TEX11: variants seen among roughly 807,000 people sequenced by gnomAD.
TEX11 encodes testis expressed 11.
In TEX11, 7 loss-of-function variants were observed where a neutral mutation model predicts 84.4. The ratio of observed to expected loss-of-function variants is 0.08; its 90% confidence interval spans 0.05 to 0.16. The LOEUF (loss-of-function observed/expected upper bound fraction) is 0.16. TEX11 is among the 10% of genes least tolerant of loss of function. The pLI is 1.00. For synonymous variants in TEX11, 264 were observed against 222.8 expected, an observed-to-expected ratio of 1.18 and a Z score of -1.64; for missense variants, 551 against 660.5, an observed-to-expected ratio of 0.83 and a Z score of 1.82.
At chrX:70,779,181 C>A (rs889726763) in intron 9 of TEX11, among the ~76,000 whole-genome samples, 4 of 110,637 alleles carry the variant, frequency 3.6e-5, no homozygotes, top group Admixed American at 1.9e-4. Context: ...CTTTGGGAGG[C>A]CGAGGTGGGT....
rs922216335 is a variant in TEX11 at position 70,541,965 on chromosome X, C to G, written c.2520+10161G>C. On this transcript the variant is annotated intron_variant, in intron 28 of 29. Coordinates refer to ENST00000374333, the MANE Select transcript of TEX11 (RefSeq NM_031276.3). Reference sequence around the variant, plus strand: ...CCTGGGAGTCATCTCCCTGCTTTTTCATTACCACTAGCTTCTAAATATCAA... The same window carrying G: ...CCTGGGAGTCATCTCCCTGCTTTTTGATTACCACTAGCTTCTAAATATCAA... Among the ~76,000 whole-genome samples the G allele has an allele frequency of 4.5e-5, 5 of 111,797 alleles. No individual in the cohort carries two copies. The East Asian group carries it at 1.4e-3, about 31-fold the overall frequency.
intron 16 of TEX11, among the ~76,000 whole-genome samples, chrX:70,656,766 T>C (rs933477366): frequency 1.8e-5 from 2 of 112,042 alleles, no homozygotes; most frequent in African/African-American, 6.5e-5. Flanking sequence ...AATAGCATGA[T>C]GGGGAAACTG....
intron 28 of TEX11, among the ~76,000 whole-genome samples, chrX:70,535,362 T>A (rs1484640919): frequency 8.9e-6 from 1 of 112,135 alleles, no homozygotes; most frequent in Non-Finnish European, 1.9e-5. Context: ...GGTAACTATG[T>A]TTAACCTTCT....
intron 9 of TEX11, among the ~76,000 whole-genome samples, chrX:70,759,357 C>T (rs375917780): frequency 4.5e-5 from 5 of 111,390 alleles, no homozygotes; most frequent in Non-Finnish European, 7.5e-5. Flanking sequence ...AACATCGATG[C>T]GAAAATCCTC....
At position 70,623,937 on chromosome X, in the gene TEX11, TG is replaced by T. The variant is rs2089423101; in HGVS notation, c.1751+12del. The T allele has an allele frequency of 1.7e-6, 2 of 1,194,241 alleles. No individual in the cohort carries two copies. The highest frequency in any genetic ancestry group is 3.5e-5 in the African/African-American group (2 of 57,374). ...CTAATGGGGAATACATCATTTTTGT[TG>T]AAATAACTCACTTATCTTCAGATTC... is the stretch of plus-strand genomic sequence containing the variant. On this transcript the variant is annotated intron_variant, in intron 20 of 29. Transcript: ENST00000374333.
At chrX:70,729,502 C>A (rs1356720361) in intron 11 of TEX11, among the ~76,000 whole-genome samples, 1 of 111,837 alleles carries the variant, frequency 8.9e-6, no homozygotes, top group Non-Finnish European at 1.9e-5. Context: ...ACAAGAACTA[C>A]GTGATGAATG....
At chrX:70,713,555 C>T (rs1322007722) in intron 13 of TEX11, among the ~76,000 whole-genome samples, 1 of 111,934 alleles carries the variant, frequency 8.9e-6, no homozygotes, top group African/African-American at 3.2e-5. Flanking sequence ...TCCATTTCTT[C>T]TAGATTTTCT....
intron 9 of TEX11, among the ~76,000 whole-genome samples, chrX:70,782,009 A>G (rs774022266): frequency 3.6e-5 from 4 of 111,328 alleles, no homozygotes; most frequent in African/African-American, 6.5e-5. Context: ...CACAAGACAC[A>G]TAATTGTCAG....
At chrX:70,529,500 A>AC (rs1273737639) in intron 29 of TEX11, among the ~76,000 whole-genome samples, 2 of 112,265 alleles carry the variant, frequency 1.8e-5, no homozygotes, top group African/African-American at 6.5e-5. Context: ...GCCTTTTTCA[A>AC]CAGTTATTGC....
chrX:70,804,663 T>C (rs1298296697), intron 9 of TEX11, among the ~76,000 whole-genome samples: 1 of 111,905 alleles, frequency 8.9e-6, no homozygotes, highest in Non-Finnish European at 1.9e-5. Context: ...GAAAATATCA[T>C]TGTGGGTCAG....
chrX:70,664,278 T>C (rs749796971), intron 16 of TEX11, among the ~76,000 whole-genome samples: 13 of 111,852 alleles, frequency 1.2e-4, no homozygotes, highest in Non-Finnish European at 2.1e-4. Flanking sequence ...GTGACTCACA[T>C]ATGCTGCTTT....
chrX:70,609,537 T>G (rs1175193949), intron 21 of TEX11, among the ~76,000 whole-genome samples: 1 of 112,516 alleles, frequency 8.9e-6, no homozygotes, highest in Non-Finnish European at 1.9e-5. Flanking sequence ...GGTATCAATA[T>G]GCTGGCATAA....
intron 24 of TEX11, among the ~76,000 whole-genome samples, chrX:70,602,636 T>C (rs1190853103): frequency 9.3e-6 from 1 of 107,886 alleles, no homozygotes; most frequent in Non-Finnish European, 1.9e-5. Flanking sequence ...CTTTGAAAAC[T>C]GGCACAAGAC....
chrX:70,905,909 C>T (rs1227508295), intron 2 of TEX11, among the ~76,000 whole-genome samples: 1 of 102,625 alleles, frequency 9.7e-6, no homozygotes, highest in Non-Finnish European at 2.0e-5. Context: ...AAAAATTAGC[C>T]GGGCATGGTG....
chrX:70,732,632 C>G (rs2090662894), intron 11 of TEX11, among the ~76,000 whole-genome samples: 1 of 111,513 alleles, frequency 9.0e-6, no homozygotes, highest in Admixed American at 9.6e-5. Context: ...GTACAAACCA[C>G]TGCTCAATGA....
At chrX:70,674,722 A>G (rs2090054832) in intron 15 of TEX11, among the ~76,000 whole-genome samples, 1 of 111,773 alleles carries the variant, frequency 8.9e-6, no homozygotes, top group Admixed American at 9.5e-5. Flanking sequence ...AGCAGTACAT[A>G]AACTTGGGTC....
At chrX:70,620,642 C>T (rs1055539781) in intron 20 of TEX11, among the ~76,000 whole-genome samples, 2 of 112,332 alleles carry the variant, frequency 1.8e-5, no homozygotes, top group East Asian at 2.8e-4. Flanking sequence ...AAAAAGTTAC[C>T]TGCACATGAA....
At chrX:70,687,526 T>C (rs1376173307) in intron 13 of TEX11, among the ~76,000 whole-genome samples, 3 of 110,152 alleles carry the variant, frequency 2.7e-5, no homozygotes, top group South Asian at 3.9e-4. Flanking sequence ...GCCTCCAAAA[T>C]TGTGAGAGAA....
chrX:70,744,242 ATAT>A (rs780346307), intron 9 of TEX11, 23 bp from the exon 10 acceptor site: 12 of 533,786 alleles, frequency 2.2e-5, no homozygotes, highest in Non-Finnish European at 2.1e-5. Context: ...AGGAAAAAAA[ATAT>A]ATATATATAT....
Sources: allele counts gnomAD v4.1 joint callset (sites outside exome capture counted in the v4.1 genomes callset), GRCh38; gene constraint gnomAD v4.1.1; transcripts MANE v1.5; gene names NCBI Gene and HGNC (gene_info 2026-07-23, HGNC 2026-07-21).